Variants in TTC7B observed in about 807,000 individuals in gnomAD.
TTC7B encodes tetratricopeptide repeat protein 7B.
TTC7B carries 28 observed loss-of-function variants against 106.8 expected under a neutral mutation model. The ratio of observed to expected loss-of-function variants is 0.26; its 90% confidence interval spans 0.19 to 0.36. The LOEUF is 0.36. Ranked by LOEUF, TTC7B falls within the 10% of genes least tolerant of loss-of-function variation. TTC7B has a pLI of 1.00. For missense variants in TTC7B, 862 were observed against 1,076.4 expected (o/e 0.80, Z 2.79); for synonymous variants, 405 against 430.6 (o/e 0.94, Z 0.74).
rs1229387846 is a variant in TTC7B at position 90,802,906 on chromosome 14, C to T, written c.121+13269G>A. 2.0e-5 allele frequency among the ~76,000 whole-genome samples: 3 copies of T among 150,906 alleles called. No homozygotes were observed. Among genetic ancestry groups the T allele is most frequent in the East Asian group, 2.0e-4 (1 of 5,112 alleles). On this transcript the variant is annotated intron_variant, in intron 1 of 19. Coordinates refer to ENST00000328459, the MANE Select transcript of TTC7B (RefSeq NM_001010854.2). This position sits in a 1 kb window ranked among gnomAD's most constrained non-coding sequence, Gnocchi z 4.7. ...CTGTAATCCCAGCACTTTGGGAGGC[C>T]GAAGCAGGCGGATCACCTAAGGTCA...
At chr14:90,629,319 T>C (rs1447710197) in intron 15 of TTC7B, among the ~76,000 whole-genome samples, 3 of 152,172 alleles carry the variant, frequency 2.0e-5, no homozygotes, top group Non-Finnish European at 4.4e-5. Context: ...TAGAATTCAA[T>C]TGTGTTTGGA....
At chr14:90,667,881 G>GAATCTGGTAC (rs1308660915) in intron 9 of TTC7B, among the ~76,000 whole-genome samples, 3 of 152,136 alleles carry the variant, frequency 2.0e-5, no homozygotes, top group Non-Finnish European at 4.4e-5. Flanking sequence ...CTAGACACAT[G>GAATCTGGTAC]AATCTGGTAC....
chr14:90,657,273 G>A lies in TTC7B; in HGVS notation c.1242C>T (p.Ala414=). The A allele has an allele frequency of 6.2e-7, 1 of 1,613,536 alleles. No individual in the cohort carries two copies. Among genetic ancestry groups the A allele is most frequent in the South Asian group, 1.1e-5 (1 of 91,084 alleles). ...ALSLMAAGKS[A]RAVKVLKECI... is the part of the protein sequence containing the mutation. The stretch of plus-strand genomic sequence containing the variant: ...ACTCTTTCAGCACCTTCACGGCACG[G>A]GCAGACTTGGCAAGAGAAGATTATT... The change falls in exon 11 of 20, where the codon GCC becomes GCT. Residue 414 remains alanine (A), a synonymous_variant. Transcript: ENST00000328459. The surrounding 1 kb of genome is among the most constrained non-coding windows in gnomAD (Gnocchi z 4.2).
At chr14:90,782,211 CA>C (rs914835157) in intron 2 of TTC7B, among the ~76,000 whole-genome samples, 28 of 152,020 alleles carry the variant, frequency 1.8e-4, no homozygotes, top group African/African-American at 6.8e-4. Flanking sequence ...CTGATGGGAG[CA>C]AAAGTGTTTA....
intron 5 of TTC7B, among the ~76,000 whole-genome samples, chr14:90,721,477 C>T (rs1319848265): frequency 3.9e-5 from 6 of 152,162 alleles, no homozygotes; most frequent in African/African-American, 1.2e-4. Context: ...CAGATAAGAT[C>T]GGGCTGATGC....
rs570817283 is a variant in TTC7B at position 90,708,457 on chromosome 14, C to T, written c.699-12879G>A. Among the ~76,000 whole-genome samples the T allele has an allele frequency of 2.0e-5, 3 of 152,208 alleles. No individual in the cohort carries two copies. In the East Asian group the frequency reaches 5.8e-4, roughly 29 times the overall value. On this transcript the variant is annotated intron_variant, in intron 5 of 19. Coordinates refer to ENST00000328459, the MANE Select transcript of TTC7B (RefSeq NM_001010854.2). ...TTTACCATTTTGAAAATCCTAGGGC[C>T]CTTAAGAATTATGCTAAATTGACTC...
chr14:90,547,046 C>T (rs1021180615), intron 19 of TTC7B, among the ~76,000 whole-genome samples: 4 of 152,204 alleles, frequency 2.6e-5, no homozygotes, highest in African/African-American at 9.6e-5. Flanking sequence ...CAGACTTCCA[C>T]CTTCCCCAGC....
rs1019162963 is a variant in TTC7B, at chr14:90,805,683, C to G, written c.121+10492G>C. ...TGGGGTTTAAGTGAGGCTGCAATAA[C>G]CAGCTCCCAACGACTTGTATACAGA... On this transcript the variant is annotated intron_variant, in intron 1 of 19. Transcript: ENST00000328459. The surrounding 1 kb of genome is among the most constrained non-coding windows in gnomAD (Gnocchi z 4.0). Among the ~76,000 whole-genome samples, 7 of 152,352 alleles carry G rather than the reference C, an allele frequency of 4.6e-5. No homozygotes were observed. The highest frequency in any genetic ancestry group is 1.7e-4 in the African/African-American group (7 of 41,584).
chr14:90,676,663 G>GA lies in TTC7B; in HGVS notation c.1015-4dup. The GA allele has an allele frequency of 6.2e-7, 1 of 1,612,746 alleles. No homozygotes were observed. Among genetic ancestry groups the GA allele is most frequent in the Non-Finnish European group, 8.5e-7 (1 of 1,179,498 alleles). ...CTCAGCACAGCGTCCCGGTTGGCCTGAAAAAACATGGAATAGAGAAGCAGA... is the reference window on the plus strand; with the variant it reads ...CTCAGCACAGCGTCCCGGTTGGCCTGAAAAAAACATGGAATAGAGAAGCAGA... On this transcript the variant is annotated splice_region_variant and splice_polypyrimidine_tract_variant and intron_variant, in intron 8 of 19. Coordinates refer to ENST00000328459, the MANE Select transcript of TTC7B (RefSeq NM_001010854.2).
chr14:90,650,169 A>T (rs1885654172), intron 13 of TTC7B, among the ~76,000 whole-genome samples: 1 of 152,228 alleles, frequency 6.6e-6, no homozygotes, highest in Non-Finnish European at 1.5e-5. Flanking sequence ...ATCTTGTAAC[A>T]ATAGTAACTA....
Position 90,657,116 on chromosome 14 carries a change from T to C in TTC7B, c.1341+58A>G, listed in dbSNP as rs936866191. 1 of 1,406,690 alleles carries C rather than the reference T, an allele frequency of 7.1e-7. No homozygotes were observed. The allele number at this position is 1,406,690 out of a possible 1,614,324, so 87.1% of individuals were successfully genotyped here. A position where few individuals can be genotyped will look rare whatever the true frequency, so the allele number is the denominator to read the frequency against. ...TCTCTGTGCCTCGACATGAAAAAAA[T>C]GGGCAGTCCTGGCCCAGAGTCCTCT... is the stretch of plus-strand genomic sequence containing the variant. On this transcript the variant is annotated intron_variant, in intron 11 of 19. Coordinates refer to ENST00000328459, the MANE Select transcript of TTC7B (RefSeq NM_001010854.2). This position sits in a 1 kb window ranked among gnomAD's most constrained non-coding sequence, Gnocchi z 4.2.
chr14:90,774,968 G>A (rs948165776), intron 3 of TTC7B, among the ~76,000 whole-genome samples: 7 of 152,096 alleles, frequency 4.6e-5, no homozygotes, highest in Admixed American at 2.0e-4. Context: ...ACTTGAACGC[G>A]GGAGGCAGAA....
At chr14:90,707,625 A>T (rs28525042) in intron 5 of TTC7B, among the ~76,000 whole-genome samples, 3,288 of 152,326 alleles carry the variant, frequency 0.022, 120 homozygotes, top group African/African-American at 0.076. Flanking sequence ...AATTTTTTAA[A>T]AAAAGCAAAA....
intron 17 of TTC7B, among the ~76,000 whole-genome samples, chr14:90,594,944 G>C (rs1892141580): frequency 6.6e-6 from 1 of 152,162 alleles, no homozygotes; most frequent in Admixed American, 6.5e-5. Context: ...AATCAGAGTG[G>C]GCCGACAGTG....
chr14:90,726,171 G>A (rs187379572), intron 5 of TTC7B, among the ~76,000 whole-genome samples: 12 of 152,274 alleles, frequency 7.9e-5, no homozygotes, highest in African/African-American at 2.2e-4. Flanking sequence ...CAATTCTGGC[G>A]GCAATGACTC....
At chr14:90,542,385 G>A (rs1889637316) in intron 19 of TTC7B, among the ~76,000 whole-genome samples, 1 of 152,154 alleles carries the variant, frequency 6.6e-6, no homozygotes, top group Non-Finnish European at 1.5e-5. Flanking sequence ...GTGCCCAGCT[G>A]TCATCTTCGT....
intron 19 of TTC7B, among the ~76,000 whole-genome samples, chr14:90,556,722 T>C (rs922197310): frequency 3.9e-5 from 6 of 152,098 alleles, no homozygotes; most frequent in Non-Finnish European, 8.8e-5. Context: ...CCAGTGCCCC[T>C]GCACTTTGGG....
chr14:90,656,843 G>A (rs1885965537), intron 11 of TTC7B, among the ~76,000 whole-genome samples: 1 of 152,218 alleles, frequency 6.6e-6, no homozygotes, highest in African/African-American at 2.4e-5. Flanking sequence ...CTAATTCAGT[G>A]ACGTGTCTCT....
intron 19 of TTC7B, among the ~76,000 whole-genome samples, chr14:90,548,303 G>A (rs1889923584): frequency 1.3e-5 from 2 of 152,208 alleles, no homozygotes; most frequent in South Asian, 2.1e-4. Flanking sequence ...AGCACTTAAA[G>A]ATCTTTCTGT....
Sources: allele counts gnomAD v4.1 joint callset (sites outside exome capture counted in the v4.1 genomes callset), GRCh38; gene constraint gnomAD v4.1.1; non-coding constraint Gnocchi (gnomAD v3.1); transcripts MANE v1.5; gene names NCBI Gene and HGNC (gene_info 2026-07-23, HGNC 2026-07-21).